ABR: variants seen among roughly 807,000 people sequenced by gnomAD.
The protein encoded by ABR is ABR activator of RhoGEF and GTPase, also known as active breakpoint cluster region-related protein.
A neutral mutation model predicts 107.2 loss-of-function variants in ABR; 35 were observed. That is an observed-to-expected ratio of 0.33 (90% confidence interval 0.25 to 0.43). ABR has a LOEUF of 0.43. ABR is among the 20% of genes least tolerant of loss of function. The probability of loss-of-function intolerance (pLI) is 1.00; values close to 1 mark genes in which losing one functional copy is unlikely to be tolerated. For missense variants in ABR, 815 were observed against 1,115.2 expected (o/e 0.73, Z 3.83); for synonymous variants, 498 against 462.0 (o/e 1.08, Z -1.00).
intron 9 of ABR, 61 bp downstream of exon 9, chr17:1,069,908 C>G: frequency 8.9e-7 from 1 of 1,123,118 alleles, no homozygotes; most frequent in Non-Finnish European, 1.2e-6. Context: ...GACTCGCACA[C>G]TCACCCCGCA....
At chr17:1,169,642 C>A (rs879654029) in intron 1 of ABR, among the ~76,000 whole-genome samples, 96 of 152,302 alleles carry the variant, frequency 6.3e-4, no homozygotes, top group Non-Finnish European at 9.8e-4. Context: ...GAGCCTGGGT[C>A]TGGAGGGTCT....
chr17:1,176,806 C>G (rs1280389001), intron 1 of ABR, among the ~76,000 whole-genome samples: 1 of 151,512 alleles, frequency 6.6e-6, no homozygotes, highest in Non-Finnish European at 1.5e-5. Context: ...AAGATCGCAC[C>G]ACTGCACTCC....
chr17:1,006,153 T>C lies in ABR; in HGVS notation c.2507A>G (p.Tyr836Cys). Residue 836 changes from tyrosine (Y) to cysteine (C), a missense_variant, in exon 23 of 23, where the codon TAC becomes TGC. Physicochemically the swap from Tyr to Cys is radical, Grantham distance 194 (BLOSUM62 -2). Coordinates refer to ENST00000302538, the MANE Select transcript of ABR (RefSeq NM_021962.5). Reference sequence around the variant, plus strand: ...GGAAATGGGGGGGTGCTGCAGGTAGTAGAGGAGGACCTGGACCTGTGGGGA... The same window carrying C: ...GGAAATGGGGGGGTGCTGCAGGTAGCAGAGGAGGACCTGGACCTGTGGGGA... ...DVMAQVQVLL[Y>C]YLQHPPISFA... 1.3e-6 allele frequency: 2 copies of C among 1,583,758 alleles called. No individual in the cohort carries two copies. The highest frequency in any genetic ancestry group is 1.7e-6 in the Non-Finnish European group (2 of 1,164,578).
At chr17:1,119,486 G>GA (rs2039241346) in intron 2 of ABR, among the ~76,000 whole-genome samples, 1 of 89,380 alleles carries the variant, frequency 1.1e-5, no homozygotes, top group Non-Finnish European at 2.6e-5. Flanking sequence ...CCCTGAGCCT[G>GA]AGTTCCTCCC....
chr17:1,102,166 T>C (rs2037943295), intron 2 of ABR, among the ~76,000 whole-genome samples: 2 of 152,068 alleles, frequency 1.3e-5, no homozygotes, highest in Admixed American at 1.3e-4. Flanking sequence ...AGCCAGGACA[T>C]CGCTCAGTCT....
At chr17:1,039,338 G>A (rs2029892638) in intron 16 of ABR, among the ~76,000 whole-genome samples, 1 of 152,206 alleles carries the variant, frequency 6.6e-6, no homozygotes, top group African/African-American at 2.4e-5. Context: ...AATCCACTGG[G>A]CAGAGTCCAG....
chr17:1,192,920 C>CAT (rs1446724330), intron 1 of ABR, among the ~76,000 whole-genome samples: 21 of 152,082 alleles, frequency 1.4e-4, no homozygotes, highest in Admixed American at 3.3e-4. Context: ...TGGTGGCGGG[C>CAT]GCCTGTAATC....
upstream of ABR, among the ~76,000 whole-genome samples, chr17:1,189,350 CTTTT>C (rs202096936): frequency 7.3e-6 from 1 of 137,698 alleles, no homozygotes. Context: ...CTATGGCTTC[CTTTT>C]TTTTTTTTTT....
chr17:1,006,140 G>T lies in ABR; in HGVS notation c.2520C>A (p.His840Gln), dbSNP rs191116738. 9 of 1,587,126 alleles carry T rather than the reference G, an allele frequency of 5.7e-6. No homozygotes were observed. Among genetic ancestry groups the T allele is most frequent in the Admixed American group, 1.8e-5 (1 of 55,864 alleles). Residue 840 changes from histidine (H) to glutamine (Q), a missense_variant, in exon 23 of 23, where the codon CAC (histidine) becomes CAA (glutamine). This residue lies in a region of ABR where 34 missense variants were observed against 26.8 expected (regional missense o/e 1.27). Transcript: ENST00000302538. ...QVQVLLYYLQ[H>Q]PPISFAELKR... ...TGAGTTCTGCGAAGGAAATGGGGGG[G>T]TGCTGCAGGTAGTAGAGGAGGACCT...
Position 1,011,675 on chromosome 17 carries a change from C to T in ABR, c.2101+171G>A. On this transcript the variant is annotated intron_variant, in intron 19 of 22. Coordinates refer to ENST00000302538, the MANE Select transcript of ABR (RefSeq NM_021962.5). This position sits in a 1 kb window ranked among gnomAD's most constrained non-coding sequence, Gnocchi z 4.8. ...GCAGTTGCTTACCTGCAGCAAGGGA[C>T]AAGAGATTGGAGGGGAGGGGATTAC... The T allele has an allele frequency of 1.3e-6, 1 of 752,978 alleles. No individual in the cohort carries two copies. Among genetic ancestry groups the T allele is most frequent in the Non-Finnish European group, 1.9e-6 (1 of 517,158 alleles). 46.6% of individuals were successfully genotyped at this position (752,978 alleles called of 1,614,324 possible).
upstream of ABR, among the ~76,000 whole-genome samples, chr17:1,191,326 G>A (rs140929606): frequency 7.0e-6 from 1 of 142,250 alleles, no homozygotes; most frequent in African/African-American, 2.6e-5. Context: ...TAGTAACGAT[G>A]TTCTGGATGT....
chr17:1,062,474 C>A (rs2034107749), intron 10 of ABR, among the ~76,000 whole-genome samples: 1 of 125,352 alleles, frequency 8.0e-6, no homozygotes, highest in Non-Finnish European at 1.7e-5. Context: ...GAGGGCTATG[C>A]ATGTTCCTCC....
intron 16 of ABR, among the ~76,000 whole-genome samples, chr17:1,033,719 G>C (rs2072973160): frequency 6.6e-6 from 1 of 152,194 alleles, no homozygotes; most frequent in African/African-American, 2.4e-5. Flanking sequence ...AACCTGAGCT[G>C]CTAAGTGGGG....
chr17:1,081,578 T>G (rs918053314), intron 5 of ABR, among the ~76,000 whole-genome samples: 1 of 152,152 alleles, frequency 6.6e-6, no homozygotes, highest in Non-Finnish European at 1.5e-5. Flanking sequence ...AGGGACTCAA[T>G]AGATACTTTT....
intron 2 of ABR, chr17:1,108,785 C>A (rs916867205): frequency 1.9e-6 from 2 of 1,030,124 alleles, no homozygotes; most frequent in South Asian, 1.9e-5. Flanking sequence ...CCGCCCCTCT[C>A]CCCCGGGAAC....
At chr17:1,012,976 G>A in intron 17 of ABR, 129 bp downstream of exon 17, 1 of 1,207,884 alleles carries the variant, frequency 8.3e-7, no homozygotes, top group East Asian at 2.5e-5. Context: ...GGGGAGAGGG[G>A]GCTGGGCTGC....
At chr17:1,047,740 T>A (rs2031848742) in intron 16 of ABR, among the ~76,000 whole-genome samples, 1 of 152,192 alleles carries the variant, frequency 6.6e-6, no homozygotes, top group Non-Finnish European at 1.5e-5. Context: ...ATAACCTGGC[T>A]TCCTCCCTCC....
chr17:1,198,174 G>C (rs530331706), intron 1 of ABR, among the ~76,000 whole-genome samples: 40 of 151,726 alleles, frequency 2.6e-4, no homozygotes, highest in African/African-American at 9.0e-4. Flanking sequence ...TGCGGGTTCT[G>C]TCTGCTCCCC....
At chr17:1,227,154 CA>C (rs897090039) in intron 1 of ABR, among the ~76,000 whole-genome samples, 1 of 152,200 alleles carries the variant, frequency 6.6e-6, no homozygotes, top group Non-Finnish European at 1.5e-5. Context: ...TTGCAATTCC[CA>C]GGGGCAGCGC....
Sources: allele counts gnomAD v4.1 joint callset (sites outside exome capture counted in the v4.1 genomes callset), GRCh38; gene constraint gnomAD v4.1.1; regional missense constraint gnomAD v4.1.1; non-coding constraint Gnocchi (gnomAD v3.1); transcripts MANE v1.5; gene names NCBI Gene and HGNC (gene_info 2026-07-23, HGNC 2026-07-21).